MBD5: variants seen among roughly 807,000 people sequenced by gnomAD.
The protein encoded by MBD5 is methyl-CpG-binding domain protein 5.
A neutral mutation model predicts 117.3 loss-of-function variants in MBD5; 13 were observed. That is an observed-to-expected ratio of 0.11 (90% CI 0.07 to 0.18). MBD5 has a LOEUF of 0.18. Ranked by LOEUF, MBD5 falls within the 10% of genes least tolerant of loss-of-function variation. The probability of loss-of-function intolerance (pLI) is 1.00; values close to 1 mark genes in which losing one functional copy is unlikely to be tolerated. For missense variants in MBD5, 1,879 were observed against 2,093.8 expected, an observed-to-expected ratio of 0.90 and a Z score of 2.00; for synonymous variants, 727 against 766.4, an observed-to-expected ratio of 0.95 and a Z score of 0.85.
intron 7 of MBD5, 135 bp from the exon 8 acceptor site, chr2:148,468,206 G>A (rs1014352946): frequency 1.6e-5 from 11 of 699,256 alleles, no homozygotes; most frequent in Admixed American, 9.2e-5. Context: ...TAGAATCACA[G>A]CTTTTATTTA....
chr2:148,069,600 G>A (rs1695298374), intron 1 of MBD5, among the ~76,000 whole-genome samples: 1 of 151,950 alleles, frequency 6.6e-6, no homozygotes, highest in South Asian at 2.1e-4. Context: ...GGGAACTAGA[G>A]CAGGCAGTTT....
intron 2 of MBD5, among the ~76,000 whole-genome samples, chr2:148,199,599 C>G (rs532834987): frequency 6.6e-6 from 1 of 152,024 alleles, no homozygotes; most frequent in East Asian, 1.9e-4. Context: ...GAAACCTCAT[C>G]TCTACAAAAA....
chr2:148,322,198 G>A (rs775589949), intron 3 of MBD5, among the ~76,000 whole-genome samples: 6 of 152,116 alleles, frequency 3.9e-5, no homozygotes, highest in East Asian at 1.9e-4. Flanking sequence ...GATGGTAATC[G>A]GATTGACCTG....
At chr2:148,351,001 A>G (rs1703235492) in intron 4 of MBD5, among the ~76,000 whole-genome samples, 1 of 152,024 alleles carries the variant, frequency 6.6e-6, no homozygotes, top group Non-Finnish European at 1.5e-5. Flanking sequence ...ATGATGAGCT[A>G]TTACATTCAC....
chr2:148,339,807 C>T (rs532756847), intron 3 of MBD5, among the ~76,000 whole-genome samples: 1 of 152,184 alleles, frequency 6.6e-6, no homozygotes, highest in Admixed American at 6.5e-5. Context: ...TTTAAAGGTA[C>T]TAGTGTTAAT....
At chr2:148,230,517 A>G (rs1699957684) in intron 2 of MBD5, among the ~76,000 whole-genome samples, 2 of 152,154 alleles carry the variant, frequency 1.3e-5, no homozygotes, top group South Asian at 2.1e-4. Flanking sequence ...TGGGACCCCA[A>G]TAACCTGCTT....
intron 1 of MBD5, among the ~76,000 whole-genome samples, chr2:148,151,511 G>T (rs1025313882): frequency 2.0e-5 from 3 of 152,240 alleles, no homozygotes; most frequent in African/African-American, 7.2e-5. Flanking sequence ...AGTTTCCGAA[G>T]GAATGGTACC....
chr2:148,503,209 T>C (rs2105230194), intron 12 of MBD5, among the ~76,000 whole-genome samples: 1 of 152,334 alleles, frequency 6.6e-6, no homozygotes, highest in South Asian at 2.1e-4. Context: ...TTTAAACATA[T>C]GTAATTGATA....
At chr2:148,167,817 T>G (rs931151816) in intron 1 of MBD5, among the ~76,000 whole-genome samples, 2 of 152,158 alleles carry the variant, frequency 1.3e-5, no homozygotes, top group Non-Finnish European at 2.9e-5. Context: ...TCTTTTGCTA[T>G]TTTTTATTTG....
In MBD5 at chr2:148,483,741, A is replaced by T. The variant is rs1299972462; in HGVS notation, c.3150A>T (p.Leu1050Phe). The T allele has an allele frequency of 6.4e-7, 1 of 1,550,510 alleles. No individual in the cohort carries two copies. Among genetic ancestry groups the T allele is most frequent in the South Asian group, 1.2e-5 (1 of 84,060 alleles). ...ACAACAGCCGAGCTGAGACCCTTTT[A>T]ACCAGCCCCCTGGGGAACCCTTTAC... ...QSDNSRAETL[L>F]TSPLGNPLPS... Residue 1050 changes from leucine to phenylalanine, a missense_variant, in exon 9 of 14, where the codon TTA becomes TTT. Around this residue, in one of 4 missense-constraint regions of MBD5, gnomAD observed 1,666 missense variants for 1,792.2 expected, o/e 0.93. Transcript: ENST00000642680.
intron 13 of MBD5, among the ~76,000 whole-genome samples, chr2:148,512,532 G>A (rs1457902884): frequency 6.6e-6 from 1 of 152,164 alleles, no homozygotes; most frequent in Non-Finnish European, 1.5e-5. Context: ...TGACAGGGAA[G>A]GCTTTATTTT....
intron 4 of MBD5, among the ~76,000 whole-genome samples, chr2:148,452,594 G>C (rs904788101): frequency 1.3e-5 from 2 of 151,378 alleles, no homozygotes; most frequent in Non-Finnish European, 2.9e-5. Flanking sequence ...AGCAAAATGA[G>C]AAAAAAAAAA....
At chr2:148,359,561 T>A (rs1703477357) in intron 4 of MBD5, among the ~76,000 whole-genome samples, 1 of 152,176 alleles carries the variant, frequency 6.6e-6, no homozygotes, top group African/African-American at 2.4e-5. Flanking sequence ...TCTTGCCTTC[T>A]TAAGTCTTAA....
intron 11 of MBD5, among the ~76,000 whole-genome samples, chr2:148,491,433 G>A (rs1296413581): frequency 6.6e-6 from 1 of 151,320 alleles, no homozygotes; most frequent in Non-Finnish European, 1.5e-5. Context: ...TCCCCCATAT[G>A]ATTAAAAACG....
chr2:148,171,435 T>C (rs539529843), intron 1 of MBD5, among the ~76,000 whole-genome samples: 201 of 152,286 alleles, frequency 1.3e-3, no homozygotes, highest in Admixed American at 1.8e-3. Context: ...CATCCTTTCA[T>C]GTTAAAAAAC....
chr2:148,153,277 T>C (rs1460110104), intron 1 of MBD5, among the ~76,000 whole-genome samples: 1 of 152,084 alleles, frequency 6.6e-6, no homozygotes, highest in Non-Finnish European at 1.5e-5. Context: ...CCCCACTCTC[T>C]TCTGGCTTGT....
intron 1 of MBD5, among the ~76,000 whole-genome samples, chr2:148,130,311 A>G (rs1219722057): frequency 6.6e-6 from 1 of 152,162 alleles, no homozygotes; most frequent in Non-Finnish European, 1.5e-5. Flanking sequence ...CTCATAGCTG[A>G]TGCAGTATAG....
chr2:148,087,277 A>C (rs1484807072), intron 1 of MBD5, among the ~76,000 whole-genome samples: 1 of 152,214 alleles, frequency 6.6e-6, no homozygotes, highest in Non-Finnish European at 1.5e-5. Context: ...AACTCAGGAC[A>C]TTATAGCAAC....
At chr2:148,235,572 G>T (rs187883071) in intron 3 of MBD5, among the ~76,000 whole-genome samples, 1 of 152,284 alleles carries the variant, frequency 6.6e-6, no homozygotes, top group African/African-American at 2.4e-5. Context: ...TAGAAAGGCA[G>T]TTGAACGTAG....
Sources: allele counts gnomAD v4.1 joint callset (sites outside exome capture counted in the v4.1 genomes callset), GRCh38; gene constraint gnomAD v4.1.1; regional missense constraint gnomAD v4.1.1; transcripts MANE v1.5; gene names NCBI Gene and HGNC (gene_info 2026-07-23, HGNC 2026-07-21).